Variants in GSG1L2 observed in about 807,000 individuals in gnomAD.
GSG1L2 encodes GSG1 like 2, also known as germ cell-specific gene 1-like protein 2.
A neutral mutation model predicts 9.0 loss-of-function variants in GSG1L2; 15 were observed. That is an observed-to-expected ratio of 1.67 (90% CI 1.12 to 2.57). The LOEUF is 2.57. Among genes scored for constraint, GSG1L2 ranks in the 30% most tolerant of loss-of-function variants. The pLI is 0.00. For synonymous variants in GSG1L2, 127 were observed against 57.9 expected (o/e 2.19, Z -5.41); for missense variants, 286 against 150.3 (o/e 1.90, Z -4.72).
In GSG1L2 at chr17:9,800,949, G is replaced by A. The variant is rs1032153811; in HGVS notation, c.*1437C>T. On this transcript the variant is annotated 3_prime_UTR_variant, in exon 5 of 5. Transcript: ENST00000399363. The stretch of plus-strand genomic sequence containing the variant: ...TGTCTATCTCTCATATATGCTTAGC[G>A]CAATGAAACACAAAATTCCACAGAA... Among the ~76,000 whole-genome samples, 5 of 152,138 alleles carry A rather than the reference G, an allele frequency of 3.3e-5. No individual in the cohort carries two copies. The highest frequency in any genetic ancestry group is 6.5e-5 in the Admixed American group (1 of 15,268).
chr17:9,816,445 CGTGT>C (rs111141414), intron 1 of GSG1L2, among the ~76,000 whole-genome samples: 5 of 136,140 alleles, frequency 3.7e-5, no homozygotes, highest in Admixed American at 7.1e-5. Context: ...TCTCTGTGTG[CGTGT>C]GTCTGTGTGT....
At chr17:9,817,315 G>A (rs371589722) in intron 1 of GSG1L2, among the ~76,000 whole-genome samples, 1 of 152,018 alleles carries the variant, frequency 6.6e-6, no homozygotes, top group Non-Finnish European at 1.5e-5. Context: ...TGATGAAGCA[G>A]CTCCCTCCCA....
intron 4 of GSG1L2, among the ~76,000 whole-genome samples, chr17:9,807,186 TC>T: frequency 6.6e-6 from 1 of 152,138 alleles, no homozygotes; most frequent in East Asian, 1.9e-4. Flanking sequence ...TCAAGACACT[TC>T]CTCCCACACT....
In GSG1L2 at chr17:9,802,403, T is replaced by A. The variant is rs1359500341; in HGVS notation, c.865A>T (p.Lys289Ter). The A allele has an allele frequency of 1.5e-6, 1 of 671,570 alleles. No homozygotes were observed. The highest frequency in any genetic ancestry group is 2.7e-6 in the Non-Finnish European group (1 of 368,688). The allele number at this position is 671,570 out of a possible 1,614,324, so 41.6% of individuals were successfully genotyped here. ...GACACTGGCTAGCATATGGACACCT[T>A]GCCTGGGGCGCCTGGTGGGAGGTGT... is the stretch of plus-strand genomic sequence containing the variant. ...SGHLPPGAPG[K>*]VSIC is the part of the protein sequence containing the mutation. The change falls in exon 5 of 5, where the codon AAG becomes TAG. Residue 289 changes from lysine (K) to a stop codon, truncating the protein, a stop_gained. Transcript: ENST00000399363. LOFTEE classifies it high-confidence loss of function.
In GSG1L2 at chr17:9,821,201, G is replaced by A. The variant is rs571722668; in HGVS notation, c.310+561C>T. ...GGAAGAGTACTCTGTCCCTGAACGC[G>A]GGCTTACAGCCAGGCTGCCAAATAT... is the stretch of plus-strand genomic sequence containing the variant. On this transcript the variant is annotated intron_variant, in intron 1 of 4. Coordinates refer to ENST00000399363, the MANE Select transcript of GSG1L2 (RefSeq NM_001310219.2). Among the ~76,000 whole-genome samples, 83 of 152,254 alleles carry A rather than the reference G, an allele frequency of 5.5e-4. 1 individual carries two copies. In the South Asian group the frequency reaches 0.015, roughly 27 times the overall value.
rs1046358281 is a variant in GSG1L2 at position 9,801,192 on chromosome 17, G to T, written c.*1194C>A. On this transcript the variant is annotated 3_prime_UTR_variant, in exon 5 of 5. Transcript: ENST00000399363. Reference sequence around the variant, plus strand: ...ATATTGAAGGTTGTTAGAGTTTGCAGTCCCTTTCTTTTCTTTTTCTTTTTC... The same window carrying T: ...ATATTGAAGGTTGTTAGAGTTTGCATTCCCTTTCTTTTCTTTTTCTTTTTC... Among the ~76,000 whole-genome samples, 1 of 151,942 alleles carries T rather than the reference G, an allele frequency of 6.6e-6. No individual in the cohort carries two copies. Among genetic ancestry groups the T allele is most frequent in the Non-Finnish European group, 1.5e-5 (1 of 67,948 alleles).
rs1476863197 is a variant in GSG1L2, at chr17:9,802,453, T to A, written c.815A>T (p.Glu272Val). The change falls in exon 5 of 5, where the codon GAA (glutamate) becomes GTA (valine). Residue 272 changes from glutamate to valine, a missense_variant. Transcript: ENST00000399363. Reference sequence around the variant, plus strand: ...TCCAGAAACATTCCTGAAGGCTTGTTCAGCAGGGCAAGGAGCAGCTCCTGT... The same window carrying A: ...TCCAGAAACATTCCTGAAGGCTTGTACAGCAGGGCAAGGAGCAGCTCCTGT... ...WKTGAAPCPAEQAFRNVSGHL... is the reference protein window; with the variant it reads ...WKTGAAPCPAVQAFRNVSGHL... 1.4e-6 allele frequency: 1 copy of A among 701,738 alleles called. No individual in the cohort carries two copies. The highest frequency in any genetic ancestry group is 2.6e-6 in the Non-Finnish European group (1 of 384,294). The allele number at this position is 701,738 out of a possible 1,614,324, so 43.5% of individuals were successfully genotyped here.
chr17:9,817,236 G>A (rs1434203269), intron 1 of GSG1L2, among the ~76,000 whole-genome samples: 3 of 152,180 alleles, frequency 2.0e-5, no homozygotes, highest in Middle Eastern at 3.4e-3. Flanking sequence ...CACCCCTGCC[G>A]GAATATCCAG....
At chr17:9,802,863 C>G (rs950893934) in intron 4 of GSG1L2, among the ~76,000 whole-genome samples, 14 of 152,146 alleles carry the variant, frequency 9.2e-5, no homozygotes, top group African/African-American at 3.4e-4. Context: ...GGCTTTGCAT[C>G]GTGGCCCCAC....
intron 1 of GSG1L2, among the ~76,000 whole-genome samples, chr17:9,811,696 G>A (rs755055584): frequency 2.0e-5 from 3 of 152,188 alleles, no homozygotes; most frequent in Non-Finnish European, 4.4e-5. Flanking sequence ...TCATCCCCAC[G>A]CAGTTTACAG....
intron 1 of GSG1L2, among the ~76,000 whole-genome samples, chr17:9,816,384 GTGTGTC>G (rs1351774450): frequency 3.2e-4 from 49 of 151,618 alleles, no homozygotes; most frequent in South Asian, 8.4e-4. Flanking sequence ...GTGTGTGCGT[GTGTGTC>G]TGTGTCTGTG....
chr17:9,801,652 A>G lies in GSG1L2; in HGVS notation c.*734T>C, dbSNP rs2066497196. 6.6e-6 allele frequency among the ~76,000 whole-genome samples: 1 copy of G among 152,200 alleles called. No individual in the cohort carries two copies. Among genetic ancestry groups the G allele is most frequent in the Admixed American group, 6.5e-5 (1 of 15,274 alleles). ...ATCCTGCAGCCCACCACTGCCTCCA[A>G]CAAGACCTGCATGTTTGGTAATGTT... On this transcript the variant is annotated 3_prime_UTR_variant, in exon 5 of 5. Transcript: ENST00000399363.
chr17:9,821,979 C>A lies in GSG1L2; in HGVS notation c.93G>T (p.Trp31Cys), dbSNP rs2066592104. 1.4e-6 allele frequency: 1 copy of A among 703,002 alleles called. No homozygotes were observed. Among genetic ancestry groups the A allele is most frequent in the Non-Finnish European group, 2.6e-6 (1 of 385,034 alleles). The allele number at this position is 703,002 out of a possible 1,614,324, so 43.5% of individuals were successfully genotyped here. ...TCACCACCCGTCGGGTCCCCTCACA[C>A]CAGTGGCTGCTGACCACGGCGGTGA... ...FSLTAVVSSH[W>C]CEGTRRVVKP... Residue 31 changes from tryptophan (W) to cysteine (C), a missense_variant, in exon 1 of 5, where the codon TGG becomes TGT. Trp to Cys is a radical substitution (Grantham distance 215). Transcript: ENST00000399363.
At chr17:9,821,349 T>C (rs1487585108) in intron 1 of GSG1L2, among the ~76,000 whole-genome samples, 2 of 151,948 alleles carry the variant, frequency 1.3e-5, no homozygotes, top group African/African-American at 4.8e-5. Context: ...TCGAGTTGGG[T>C]CGGGACCACC....
In GSG1L2 at chr17:9,812,538, G is replaced by C. The variant is rs1356210346; in HGVS notation, c.311-1920C>G. Among the ~76,000 whole-genome samples, 3 of 152,158 alleles carry C rather than the reference G, an allele frequency of 2.0e-5. No homozygotes were observed. In the East Asian group the frequency reaches 5.8e-4, roughly 29 times the overall value. On this transcript the variant is annotated intron_variant, in intron 1 of 4. Transcript: ENST00000399363. ...GGGTGGTTTATCAACAACAGGAACA[G>C]CTTTTCAGATCTGGAGACTGGAAGT...
chr17:9,821,876 C>G lies in GSG1L2; in HGVS notation c.196G>C (p.Asp66His). The stretch of plus-strand genomic sequence containing the variant: ...TACAGGACAGCCTGGCTATTGTTGT[C>G]CATCCTGCCATTGCTGCTGTTGTCC... ...KRDNSSNGRM[D>H]NNSQAVLYIW... The change falls in exon 1 of 5, where the codon GAC becomes CAC. Residue 66 changes from aspartate to histidine, a missense_variant. Physicochemically the swap from Asp to His is moderately conservative, Grantham distance 81. Coordinates refer to ENST00000399363, the MANE Select transcript of GSG1L2 (RefSeq NM_001310219.2). 2 of 703,312 alleles carry G rather than the reference C, an allele frequency of 2.8e-6. No homozygotes were observed. Among genetic ancestry groups the G allele is most frequent in the Non-Finnish European group, 5.2e-6 (2 of 385,064 alleles). The allele number at this position is 703,312 out of a possible 1,614,324, so 43.6% of individuals were successfully genotyped here.
At chr17:9,819,737 A>T (rs1413737258) in intron 1 of GSG1L2, among the ~76,000 whole-genome samples, 1 of 151,964 alleles carries the variant, frequency 6.6e-6, no homozygotes, top group South Asian at 2.1e-4. Flanking sequence ...GGATCAGGCG[A>T]TTCTCCTGCC....
intron 1 of GSG1L2, among the ~76,000 whole-genome samples, chr17:9,816,428 G>T (rs541257201): frequency 9.3e-4 from 135 of 145,940 alleles, no homozygotes; most frequent in Non-Finnish European, 1.6e-3. Flanking sequence ...GTGTGTGTGC[G>T]TGTGTCTCTC....
In GSG1L2 at chr17:9,801,837, A is replaced by T. The variant is rs1422292886; in HGVS notation, c.*549T>A. Reference sequence around the variant, plus strand: ...CTGATTTTACTATGAGTAGAAACACAAAATTTCCAAGAAAAAATATTTTAA... The same window carrying T: ...CTGATTTTACTATGAGTAGAAACACTAAATTTCCAAGAAAAAATATTTTAA... On this transcript the variant is annotated 3_prime_UTR_variant, in exon 5 of 5. Transcript: ENST00000399363. Among the ~76,000 whole-genome samples the T allele has an allele frequency of 7.2e-5, 11 of 152,266 alleles. No homozygotes were observed. Among genetic ancestry groups the T allele is most frequent in the Admixed American group, 7.2e-4 (11 of 15,288 alleles).
Sources: allele counts gnomAD v4.1 joint callset (sites outside exome capture counted in the v4.1 genomes callset), GRCh38; gene constraint gnomAD v4.1.1; transcripts MANE v1.5; gene names NCBI Gene and HGNC (gene_info 2026-07-23, HGNC 2026-07-21).